Variants in WASF3 observed in about 807,000 individuals in gnomAD.
WASF3 encodes actin-binding protein WASF3.
A neutral mutation model predicts 46.6 loss-of-function variants in WASF3; 11 were observed. That is an observed-to-expected ratio of 0.24 (90% CI 0.15 to 0.39). The LOEUF is 0.39. Ranked by LOEUF, WASF3 falls within the 10% of genes least tolerant of loss-of-function variation. The pLI is 1.00. For synonymous variants in WASF3, 242 were observed against 259.7 expected (o/e 0.93, Z 0.65); for missense variants, 576 against 669.8 (o/e 0.86, Z 1.55).
chr13:26,678,997 C>G (rs1479911741), intron 7 of WASF3, among the ~76,000 whole-genome samples: 1 of 151,088 alleles, frequency 6.6e-6, no homozygotes, highest in Non-Finnish European at 1.5e-5. Context: ...TCCCAGCCCT[C>G]TTCCTCCTCC....
the WASF3 span, among the ~76,000 whole-genome samples, chr13:26,539,712 T>G: frequency 0.77 from 116,582 of 152,058 alleles, 44,770 homozygotes; most frequent in East Asian, 0.87. Context: ...TTCTTCAATG[T>G]CTCTCCATTT....
intron 2 of WASF3, chr13:26,638,764 T>C (rs1380127416): frequency 6.6e-6 from 1 of 152,202 alleles, no homozygotes; most frequent in Non-Finnish European, 1.5e-5. Flanking sequence ...TGGATGCAGT[T>C]TGTCTCCATC....
intron 2 of WASF3, chr13:26,638,748 A>G (rs879721203): frequency 2.0e-5 from 3 of 152,246 alleles, no homozygotes; most frequent in Non-Finnish European, 4.4e-5. Context: ...AGAGTACGCT[A>G]TGGTTTGGAT....
intron 2 of WASF3, among the ~76,000 whole-genome samples, chr13:26,615,463 C>T (rs1881104765): frequency 6.6e-6 from 1 of 151,998 alleles, no homozygotes; most frequent in Admixed American, 6.6e-5. Flanking sequence ...CATGTGCCAC[C>T]ATGTCCAGCT....
chr13:26,557,535 A>C (rs1280550748), upstream of WASF3, among the ~76,000 whole-genome samples: 1 of 152,084 alleles, frequency 6.6e-6, no homozygotes, highest in Non-Finnish European at 1.5e-5. Context: ...ACCGTCGCTC[A>C]GCGCGCTCGC....
At position 26,685,966 on chromosome 13, in the gene WASF3, T is replaced by C; in HGVS notation, c.*121T>C. 1 of 1,353,088 alleles carries C rather than the reference T, an allele frequency of 7.4e-7. No individual in the cohort carries two copies. The highest frequency in any genetic ancestry group is 9.8e-7 in the Non-Finnish European group (1 of 1,016,212). The allele number at this position is 1,353,088 out of a possible 1,614,324, so 83.8% of individuals were successfully genotyped here. ...ACCTTTTGTATAAACAATGTGATATTGCTTCTGCACATCCAAAAATTCTGG... is the reference window on the plus strand; with the variant it reads ...ACCTTTTGTATAAACAATGTGATATCGCTTCTGCACATCCAAAAATTCTGG... On this transcript the variant is annotated 3_prime_UTR_variant, in exon 10 of 10. Transcript: ENST00000335327.
At chr13:26,678,471 T>C (rs144939029) in intron 7 of WASF3, among the ~76,000 whole-genome samples, 82 of 152,272 alleles carry the variant, frequency 5.4e-4, no homozygotes, top group Admixed American at 4.8e-3. Context: ...TCATGCCATG[T>C]TTTCTTTCTT....
intron 2 of WASF3, among the ~76,000 whole-genome samples, chr13:26,633,504 G>A (rs1286644660): frequency 1.3e-5 from 2 of 152,012 alleles, no homozygotes; most frequent in African/African-American, 4.8e-5. Flanking sequence ...ACAGCCGGCC[G>A]ATCTTAGTTA....
intron 9 of WASF3, 43 bp downstream of exon 9, chr13:26,683,017 G>C (rs371076930): frequency 6.4e-7 from 1 of 1,567,958 alleles, no homozygotes; most frequent in African/African-American, 1.4e-5. Flanking sequence ...TTCAGCAAGA[G>C]GTTTCTTCAT....
At chr13:26,654,679 A>G (rs1337736852) in intron 3 of WASF3, among the ~76,000 whole-genome samples, 1 of 152,218 alleles carries the variant, frequency 6.6e-6, no homozygotes, top group Non-Finnish European at 1.5e-5. Flanking sequence ...AGTTCATTAT[A>G]GTTAATTATG....
chr13:26,675,481 TACAC>T (rs56162218), intron 6 of WASF3, among the ~76,000 whole-genome samples: 18,544 of 145,562 alleles, frequency 0.13, 1,174 homozygotes, highest in South Asian at 0.17. Context: ...TAGACACACA[TACAC>T]ACACACACAC....
chr13:26,629,421 C>T (rs553487305), intron 2 of WASF3, among the ~76,000 whole-genome samples: 15 of 152,356 alleles, frequency 9.8e-5, no homozygotes, highest in East Asian at 1.9e-4. Flanking sequence ...GATCAAGCTA[C>T]GCGGTGTCAT....
At chr13:26,591,804 G>A (rs1039865368) in intron 1 of WASF3, among the ~76,000 whole-genome samples, 1 of 152,112 alleles carries the variant, frequency 6.6e-6, no homozygotes, top group African/African-American at 2.4e-5. Context: ...ATAGAGAAGA[G>A]AAAAGGTCCG....
At chr13:26,670,727 A>T (rs1481157757) in intron 5 of WASF3, among the ~76,000 whole-genome samples, 2 of 152,210 alleles carry the variant, frequency 1.3e-5, no homozygotes, top group African/African-American at 4.8e-5. Context: ...TCTATCATGC[A>T]GGTTGCCTAT....
At chr13:26,552,054 T>C in the WASF3 span, among the ~76,000 whole-genome samples, 1 of 152,204 alleles carries the variant, frequency 6.6e-6, no homozygotes. Context: ...GGCCATGTGC[T>C]TCTCAGAATA....
chr13:26,686,221 A>G lies in WASF3; in HGVS notation c.*376A>G, dbSNP rs570026682. On this transcript the variant is annotated 3_prime_UTR_variant, in exon 10 of 10. Transcript: ENST00000335327. ...CCTGGTGTTAGGTCTCTGCAAGACT[A>G]ATGACTATGTCAGAGTGATGTCTTC... is the stretch of plus-strand genomic sequence containing the variant. 4 of 178,200 alleles carry G rather than the reference A, an allele frequency of 2.2e-5. No individual in the cohort carries two copies. Among genetic ancestry groups the G allele is most frequent in the East Asian group, 2.8e-4 (2 of 7,062 alleles). 11.0% of individuals were successfully genotyped at this position (178,200 alleles called of 1,614,324 possible).
chr13:26,676,053 T>G (rs1349407866), intron 6 of WASF3, among the ~76,000 whole-genome samples: 5 of 152,240 alleles, frequency 3.3e-5, no homozygotes, highest in Admixed American at 2.0e-4. Context: ...CTTGCTTAAT[T>G]TTGTGTTAAA....
chr13:26,660,806 A>G (rs557606288), intron 3 of WASF3, among the ~76,000 whole-genome samples: 1 of 152,276 alleles, frequency 6.6e-6, no homozygotes, highest in South Asian at 2.1e-4. Context: ...AGGCTGGGTA[A>G]CTTAGAAAGA....
chr13:26,570,023 T>C (rs921658950), intron 1 of WASF3, among the ~76,000 whole-genome samples: 2 of 152,204 alleles, frequency 1.3e-5, no homozygotes, highest in Admixed American at 6.5e-5. Flanking sequence ...CGGTGGCTCA[T>C]GCCTTTAATC....
Sources: allele counts gnomAD v4.1 joint callset (sites outside exome capture counted in the v4.1 genomes callset), GRCh38; gene constraint gnomAD v4.1.1; transcripts MANE v1.5; gene names NCBI Gene and HGNC (gene_info 2026-07-23, HGNC 2026-07-21).